The following DNAAF19 variants were observed in gnomAD, a reference collection of about 807,000 sequenced individuals.
The protein encoded by DNAAF19 is coiled-coil domain containing 103.
At chr17:44,904,623 G>A in the DNAAF19 span, 1 of 1,550,566 alleles carries the variant, frequency 6.4e-7, no homozygotes, top group African/African-American at 1.4e-5. Context: ...AAAGTGGGCA[G>A]CCGGCCCTGG....
the DNAAF19 span, chr17:44,903,804 C>T: frequency 4.6e-6 from 7 of 1,534,380 alleles, no homozygotes; most frequent in South Asian, 1.2e-5. Context: ...TTTGCCCTGC[C>T]CCTCTGACCC....
At chr17:44,905,154 G>A in the DNAAF19 span, 2 of 1,085,338 alleles carry the variant, frequency 1.8e-6, no homozygotes, top group Non-Finnish European at 2.6e-6. Context: ...GGTACCCTGG[G>A]TTGGGACAGG....
the DNAAF19 span, chr17:44,904,132 C>T: frequency 3.2e-6 from 5 of 1,550,470 alleles, no homozygotes; most frequent in East Asian, 7.3e-5. Context: ...ACATGCTGAC[C>T]CGCTTCAGCA....
chr17:44,904,266 T>G, the DNAAF19 span: 12 of 1,550,354 alleles, frequency 7.7e-6, no homozygotes, highest in Non-Finnish European at 1.0e-5. Context: ...AGTGAGGGAA[T>G]GGTGGCCACT....
chr17:44,903,376 C>T, the DNAAF19 span: 45 of 1,248,416 alleles, frequency 3.6e-5, no homozygotes, highest in Non-Finnish European at 4.2e-5. Context: ...CAGCCAGCCT[C>T]CCGGATGGCC....
At chr17:44,903,038 G>A in the DNAAF19 span, 1 of 1,395,440 alleles carries the variant, frequency 7.2e-7, no homozygotes, top group East Asian at 2.6e-5. Context: ...CAAGAGCTCA[G>A]GAAGTTGAGA....
the DNAAF19 span, chr17:44,903,831 T>G: frequency 6.5e-7 from 1 of 1,549,284 alleles, no homozygotes; most frequent in Non-Finnish European, 8.7e-7. Flanking sequence ...CCTTCAGGTA[T>G]GCACCTGGCC....
At chr17:44,902,901 T>G in the DNAAF19 span, 4 of 1,437,962 alleles carry the variant, frequency 2.8e-6, no homozygotes, top group Non-Finnish European at 3.6e-6. Context: ...AGGACCATAA[T>G]AAGAAACCCA....
At chr17:44,904,707 G>A in the DNAAF19 span, 7 of 1,550,434 alleles carry the variant, frequency 4.5e-6, no homozygotes, top group East Asian at 2.4e-5. Context: ...CCTGGGGCCC[G>A]GCCAGAGCAT....
the DNAAF19 span, chr17:44,901,195 T>C: frequency 6.3e-7 from 1 of 1,575,390 alleles, no homozygotes; most frequent in Non-Finnish European, 8.6e-7. Flanking sequence ...ATTATAGTAG[T>C]TAACTCTGAA....
At chr17:44,904,676 C>T in the DNAAF19 span, 3 of 1,550,552 alleles carry the variant, frequency 1.9e-6, no homozygotes, top group Non-Finnish European at 2.6e-6. Context: ...GAGACTGGGC[C>T]ATGGACTCAT....
chr17:44,903,117 G>A, the DNAAF19 span: 23 of 1,297,982 alleles, frequency 1.8e-5, no homozygotes, highest in Non-Finnish European at 2.2e-5. Context: ...ATGAGTGTGT[G>A]CCCAACCAAA....
chr17:44,900,288 A>T, the DNAAF19 span, among the ~76,000 whole-genome samples: 1 of 150,388 alleles, frequency 6.6e-6, no homozygotes, highest in African/African-American at 2.4e-5. Context: ...AGAGCCAGAA[A>T]AAAAAAAAAA....
chr17:44,903,072 A>T, the DNAAF19 span: 1 of 1,365,968 alleles, frequency 7.3e-7, no homozygotes, highest in South Asian at 1.9e-5. Context: ...CCACCCTTAG[A>T]GTCTGCCAAG....
the DNAAF19 span, chr17:44,902,797 G>C: frequency 6.4e-7 from 1 of 1,564,680 alleles, no homozygotes; most frequent in Non-Finnish European, 8.7e-7. Context: ...GGAGCTGCTG[G>C]AGCTGTACCA....
the DNAAF19 span, chr17:44,901,192 T>C: frequency 1.3e-6 from 2 of 1,575,844 alleles, no homozygotes; most frequent in South Asian, 2.4e-5. Context: ...TGGATTATAG[T>C]AGTTAACTCT....
chr17:44,904,172 G>A, the DNAAF19 span: 3 of 1,550,388 alleles, frequency 1.9e-6, no homozygotes, highest in South Asian at 2.4e-5. Flanking sequence ...GGTTTTCAGG[G>A]CTCAGTCTGA....
the DNAAF19 span, chr17:44,905,371 C>G: frequency 7.8e-6 from 3 of 384,150 alleles, no homozygotes; most frequent in Non-Finnish European, 1.5e-5. Context: ...GTGGTAAACA[C>G]TGATCAGTGT....
the DNAAF19 span, chr17:44,905,130 G>C: frequency 7.4e-7 from 1 of 1,351,522 alleles, no homozygotes; most frequent in African/African-American, 1.5e-5. Flanking sequence ...AATGATACCA[G>C]ATGTCTCTGG....
Sources: gnomAD v4.1 joint callset for allele counts (sites outside exome capture counted in the v4.1 genomes callset) on GRCh38, gnomAD v4.1.1 for gene constraint, MANE v1.5 for transcripts, NCBI Gene and HGNC (gene_info 2026-07-23, HGNC 2026-07-21) for gene names.